PLCB1: variants seen among roughly 807,000 people sequenced by gnomAD.
PLCB1 encodes the protein phospholipase C beta 1.
In PLCB1, 46 loss-of-function variants were observed where a neutral mutation model predicts 161.8. The observed-to-expected ratio is 0.28, with a 90% CI of 0.22 to 0.36. The LOEUF is 0.36. PLCB1 is among the 10% of genes least tolerant of loss of function. The pLI, the probability that PLCB1 is intolerant of heterozygous loss-of-function variation, is 1.00. For synonymous variants in PLCB1, 517 were observed against 503.7 expected (o/e 1.03, Z -0.35); for missense variants, 1,016 against 1,472.5 (o/e 0.69, Z 5.07).
intron 2 of PLCB1, among the ~76,000 whole-genome samples, chr20:8,239,755 T>C (rs1980510097): frequency 6.6e-6 from 1 of 152,044 alleles, no homozygotes; most frequent in Non-Finnish European, 1.5e-5. Context: ...TTTTATTCTA[T>C]GCCTTAGAAT....
At chr20:8,334,668 T>C (rs1401351446) in intron 2 of PLCB1, among the ~76,000 whole-genome samples, 1 of 152,236 alleles carries the variant, frequency 6.6e-6, no homozygotes, top group African/African-American at 2.4e-5. Context: ...TTAATTCCAG[T>C]CACTTCTTGA....
intron 31 of PLCB1, among the ~76,000 whole-genome samples, chr20:8,854,734 A>G (rs1987010242): frequency 6.6e-6 from 1 of 152,360 alleles, no homozygotes; most frequent in East Asian, 1.9e-4. Flanking sequence ...CAGCTGGAGC[A>G]GTCTGTTTTC....
At chr20:8,560,460 TA>T (rs540223363) in intron 3 of PLCB1, among the ~76,000 whole-genome samples, 1 of 151,352 alleles carries the variant, frequency 6.6e-6, no homozygotes, top group African/African-American at 2.4e-5. Context: ...GGAAAGGTTT[TA>T]AAAAAAAATA....
intron 2 of PLCB1, among the ~76,000 whole-genome samples, chr20:8,352,198 A>G (rs981246648): frequency 2.0e-5 from 3 of 152,186 alleles, no homozygotes; most frequent in African/African-American, 7.2e-5. Context: ...TATGAACCTT[A>G]AATGCATAAT....
chr20:8,338,950 G>T (rs567396068), intron 2 of PLCB1, among the ~76,000 whole-genome samples: 19 of 152,114 alleles, frequency 1.2e-4, no homozygotes, highest in African/African-American at 3.9e-4. Flanking sequence ...AATTTTTTTT[G>T]AGATTCATCC....
At chr20:8,421,141 T>C (rs950905537) in intron 3 of PLCB1, among the ~76,000 whole-genome samples, 1 of 152,200 alleles carries the variant, frequency 6.6e-6, no homozygotes, top group African/African-American at 2.4e-5. Flanking sequence ...TTATAGAACC[T>C]GATCGTTATT....
intron 3 of PLCB1, among the ~76,000 whole-genome samples, chr20:8,533,609 G>A (rs1334404732): frequency 6.6e-6 from 1 of 151,314 alleles, no homozygotes; most frequent in African/African-American, 2.4e-5. Flanking sequence ...TTTCTCTGAT[G>A]GCCAGTGATG....
At chr20:8,803,950 C>T (rs111406296) in intron 31 of PLCB1, among the ~76,000 whole-genome samples, 165 of 152,182 alleles carry the variant, frequency 1.1e-3, no homozygotes, top group African/African-American at 3.8e-3. Context: ...CCCTCCACTA[C>T]GCCCAGCTAA....
At chr20:8,402,979 T>G (rs910110436) in intron 3 of PLCB1, among the ~76,000 whole-genome samples, 12 of 152,340 alleles carry the variant, frequency 7.9e-5, no homozygotes, top group Non-Finnish European at 1.8e-4. Flanking sequence ...AATTTAAGTT[T>G]ATGTATTTTG....
chr20:8,350,454 G>T (rs906348665), intron 2 of PLCB1, among the ~76,000 whole-genome samples: 1 of 152,156 alleles, frequency 6.6e-6, no homozygotes, highest in Non-Finnish European at 1.5e-5. Context: ...GTATTCCATT[G>T]TGTATATGTG....
At chr20:8,481,778 T>C (rs929174789) in intron 3 of PLCB1, among the ~76,000 whole-genome samples, 2 of 152,158 alleles carry the variant, frequency 1.3e-5, no homozygotes, top group Non-Finnish European at 2.9e-5. Context: ...ACTGAACTTA[T>C]AAATCATTTG....
intron 3 of PLCB1, among the ~76,000 whole-genome samples, chr20:8,582,988 CAAA>C (rs57511588): frequency 1.6e-5 from 2 of 125,188 alleles, no homozygotes. Flanking sequence ...GACTCCATCT[CAAA>C]AAAAAAAAAA....
intron 3 of PLCB1, among the ~76,000 whole-genome samples, chr20:8,442,771 C>T (rs570502724): frequency 1.3e-5 from 2 of 152,114 alleles, no homozygotes; most frequent in South Asian, 2.1e-4. Flanking sequence ...AGTACCTTGC[C>T]ATGACATTGA....
At chr20:8,636,152 C>T (rs1017652065) in intron 4 of PLCB1, among the ~76,000 whole-genome samples, 2 of 152,132 alleles carry the variant, frequency 1.3e-5, no homozygotes, top group African/African-American at 4.8e-5. Context: ...GAAAACTGTG[C>T]ATGACTTCCT....
At chr20:8,648,340 G>A (rs372082618) in intron 6 of PLCB1, among the ~76,000 whole-genome samples, 1 of 152,152 alleles carries the variant, frequency 6.6e-6, no homozygotes, top group East Asian at 1.9e-4. Flanking sequence ...GATGCTAACT[G>A]GAGCCAGGCA....
At chr20:8,858,878 G>A (rs1987155327) in intron 31 of PLCB1, among the ~76,000 whole-genome samples, 1 of 146,246 alleles carries the variant, frequency 6.8e-6, no homozygotes, top group African/African-American at 2.6e-5. Flanking sequence ...TTGTTCTTAG[G>A]GTAGTGTTCT....
chr20:8,868,509 C>T (rs796229932), intron 31 of PLCB1, among the ~76,000 whole-genome samples: 60 of 152,320 alleles, frequency 3.9e-4, no homozygotes, highest in Admixed American at 1.2e-3. Context: ...TTGTTATATT[C>T]CCCTCAACAC....
chr20:8,663,495 G>A, intron 9 of PLCB1, among the ~76,000 whole-genome samples: 1 of 152,086 alleles, frequency 6.6e-6, no homozygotes, highest in East Asian at 1.9e-4. Context: ...TGAAACTCCA[G>A]AAGAGACAAT....
In PLCB1 at chr20:8,176,887, T is replaced by G. The variant is rs2051789148; in HGVS notation, c.177+26516T>G. The stretch of plus-strand genomic sequence containing the variant: ...TGCCTGAGGACTCTCAGTATTAGCC[T>G]TGACCTCAGAACATCTCTAGACAAA... On this transcript the variant is annotated intron_variant, in intron 2 of 31. Transcript: ENST00000338037. 2.0e-5 allele frequency among the ~76,000 whole-genome samples: 3 copies of G among 152,278 alleles called. No individual in the cohort carries two copies. In the South Asian group the frequency reaches 6.2e-4, roughly 32 times the overall value.
Sources: allele counts gnomAD v4.1 joint callset (sites outside exome capture counted in the v4.1 genomes callset), GRCh38; gene constraint gnomAD v4.1.1; transcripts MANE v1.5; gene names NCBI Gene and HGNC (gene_info 2026-07-23, HGNC 2026-07-21).